Variants in IGBP1C observed in about 807,000 individuals in gnomAD.
The protein encoded by IGBP1C is IGBP1 family member C.
At chr17:58,670,000 G>A in the IGBP1C span, among the ~76,000 whole-genome samples, 45 of 152,214 alleles carry the variant, frequency 3.0e-4, no homozygotes, top group Admixed American at 8.5e-4. Context: ...CCACCATACC[G>A]CCGTGGCAGC....
At chr17:58,689,429 C>T in the IGBP1C span, among the ~76,000 whole-genome samples, 1 of 151,900 alleles carries the variant, frequency 6.6e-6, no homozygotes, top group Non-Finnish European at 1.5e-5. Flanking sequence ...TCATGTTGGC[C>T]AGGATGGTCT....
At chr17:58,691,660 CTGTCTCAAAAAAAAA>C in the IGBP1C span, among the ~76,000 whole-genome samples, 5 of 98,394 alleles carry the variant, frequency 5.1e-5, no homozygotes, top group East Asian at 1.4e-3. Context: ...CAGTGAGACT[CTGTCTCAAAAAAAAA>C]AAAAAAAAAA....
chr17:58,678,818 T>TATAATAATAATAATAATA, the IGBP1C span, among the ~76,000 whole-genome samples: 678 of 137,294 alleles, frequency 4.9e-3, 3 homozygotes, highest in Middle Eastern at 7.2e-3. Flanking sequence ...GAACTTAAAG[T>TATAATAATAATAATAATA]ATAATAATAA....
chr17:58,661,701 G>A, the IGBP1C span: 2 of 586,404 alleles, frequency 3.4e-6, no homozygotes, highest in Admixed American at 3.2e-5. Flanking sequence ...GGCGCTGCAC[G>A]GCAGGGCAGT....
At chr17:58,680,069 G>A in the IGBP1C span, among the ~76,000 whole-genome samples, 1 of 145,508 alleles carries the variant, frequency 6.9e-6, no homozygotes, top group African/African-American at 2.4e-5. Flanking sequence ...ATGCCACTAT[G>A]GTGTCTTTTT....
At chr17:58,663,593 A>C in the IGBP1C span, among the ~76,000 whole-genome samples, 2 of 151,660 alleles carry the variant, frequency 1.3e-5, no homozygotes, top group Admixed American at 1.3e-4. Context: ...CAGCTTCCTG[A>C]GTAACTGGGA....
At chr17:58,685,376 C>T in the IGBP1C span, among the ~76,000 whole-genome samples, 2 of 149,358 alleles carry the variant, frequency 1.3e-5, no homozygotes, top group African/African-American at 5.0e-5. Flanking sequence ...GTGGAGGTTG[C>T]AGTGAGCCGA....
chr17:58,683,052 C>CAAAAAAAAAAAAAAAAAA, the IGBP1C span, among the ~76,000 whole-genome samples: 1 of 54,044 alleles, frequency 1.9e-5, no homozygotes, highest in African/African-American at 6.8e-5. Flanking sequence ...GAGTCTGTCT[C>CAAAAAAAAAAAAAAAAAA]AAAAAAAAAA....
the IGBP1C span, among the ~76,000 whole-genome samples, chr17:58,674,677 G>A: frequency 6.6e-6 from 1 of 151,038 alleles, no homozygotes; most frequent in Non-Finnish European, 1.5e-5. Context: ...CTCAAAAAAC[G>A]AATAGAAACA....
chr17:58,686,233 G>A, the IGBP1C span, among the ~76,000 whole-genome samples: 2 of 152,062 alleles, frequency 1.3e-5, no homozygotes, highest in Non-Finnish European at 2.9e-5. Flanking sequence ...AGCTTCTTAG[G>A]AGGCAAAGGC....
chr17:58,667,622 C>T, the IGBP1C span, among the ~76,000 whole-genome samples: 1 of 152,140 alleles, frequency 6.6e-6, no homozygotes, highest in African/African-American at 2.4e-5. Flanking sequence ...CAGTGGCTCA[C>T]GCCTGTAATC....
At chr17:58,683,024 G>C in the IGBP1C span, among the ~76,000 whole-genome samples, 2 of 143,710 alleles carry the variant, frequency 1.4e-5, no homozygotes, top group Non-Finnish European at 1.5e-5. Flanking sequence ...TTGCACTCCA[G>C]CCTGGGCGAC....
the IGBP1C span, chr17:58,666,622 C>G: frequency 2.0e-5 from 3 of 152,164 alleles, no homozygotes; most frequent in African/African-American, 7.2e-5. Context: ...GGGATCAGCA[C>G]AAAGTGCAAC....
the IGBP1C span, among the ~76,000 whole-genome samples, chr17:58,668,288 T>C: frequency 0.022 from 3,424 of 152,282 alleles, 131 homozygotes; most frequent in African/African-American, 0.077. Context: ...CAAGACCCCA[T>C]TGCAGCGGTC....
At chr17:58,681,770 A>G in the IGBP1C span, among the ~76,000 whole-genome samples, 1 of 151,718 alleles carries the variant, frequency 6.6e-6, no homozygotes, top group East Asian at 1.9e-4. Flanking sequence ...TTGAACCTGA[A>G]AGGCAGAGGT....
At chr17:58,676,987 C>T in the IGBP1C span, among the ~76,000 whole-genome samples, 3 of 151,730 alleles carry the variant, frequency 2.0e-5, no homozygotes, top group Non-Finnish European at 2.9e-5. Context: ...GGTGTTGTGG[C>T]GGGTGCCTGT....
chr17:58,687,420 T>G, the IGBP1C span, among the ~76,000 whole-genome samples: 1 of 152,134 alleles, frequency 6.6e-6, no homozygotes, highest in Non-Finnish European at 1.5e-5. Context: ...TGCCCTCCTT[T>G]GTTCAGCCCA....
chr17:58,673,484 AAAATAAAT>A, the IGBP1C span, among the ~76,000 whole-genome samples: 1,293 of 143,504 alleles, frequency 9.0e-3, 17 homozygotes, highest in African/African-American at 0.027. Flanking sequence ...CTCCATCTCA[AAAATAAAT>A]AAATAAATAA....
the IGBP1C span, chr17:58,675,562 A>T: frequency 1.3e-5 from 2 of 152,328 alleles, no homozygotes; most frequent in African/African-American, 4.8e-5. Context: ...GGCTCTTTCT[A>T]AAAATCAAAC....
Sources: gnomAD v4.1 joint callset for allele counts (sites outside exome capture counted in the v4.1 genomes callset) on GRCh38, gnomAD v4.1.1 for gene constraint, MANE v1.5 for transcripts, NCBI Gene and HGNC (gene_info 2026-07-23, HGNC 2026-07-21) for gene names.